TNRC6A: variants seen among roughly 807,000 people sequenced by gnomAD.
The protein encoded by TNRC6A is trinucleotide repeat-containing gene 6A protein.
TNRC6A carries 44 observed loss-of-function variants against 221.2 expected under a neutral mutation model. That is an observed-to-expected ratio of 0.20 (90% CI 0.16 to 0.26). The LOEUF is 0.26. Ranked by LOEUF, TNRC6A falls within the 10% of genes least tolerant of loss-of-function variation. The pLI, the probability that TNRC6A is intolerant of heterozygous loss-of-function variation, is 1.00. For missense variants in TNRC6A, 2,199 were observed against 2,404.4 expected (o/e 0.91, Z 1.79); for synonymous variants, 847 against 838.5 (o/e 1.01, Z -0.18).
In TNRC6A at chr16:24,822,892, C is replaced by T; in HGVS notation, c.5392C>T (p.Arg1798Cys). 1 of 1,613,812 alleles carries T rather than the reference C, an allele frequency of 6.2e-7. No individual in the cohort carries two copies. Among genetic ancestry groups the T allele is most frequent in the Non-Finnish European group, 8.5e-7 (1 of 1,180,022 alleles). Residue 1798 changes from arginine (R) to cysteine (C), a missense_variant, in exon 24 of 25, where the codon CGC (arginine) becomes TGC (cysteine). By Grantham distance (180) the Arg-to-Cys change is radical (BLOSUM62 -3). Transcript: ENST00000395799. ...TTCCTAGATCGATGGCTCAACTCTG[C>T]GCACTCTGTGCATGCAGCACGGCCC... ...LTPQIDGSTL[R>C]TLCMQHGPLI...
intron 1 of TNRC6A, among the ~76,000 whole-genome samples, chr16:24,638,574 G>A (rs886077688): frequency 2.6e-5 from 4 of 152,108 alleles, no homozygotes; most frequent in Non-Finnish European, 5.9e-5. Context: ...GTAGCTGGGT[G>A]TGGTGGCATG....
intron 2 of TNRC6A, among the ~76,000 whole-genome samples, chr16:24,711,049 G>C (rs2056196333): frequency 1.3e-5 from 2 of 151,646 alleles, no homozygotes; most frequent in Non-Finnish European, 2.9e-5. Flanking sequence ...CAAATTTTTT[G>C]TATTTTTAGT....
intron 2 of TNRC6A, among the ~76,000 whole-genome samples, chr16:24,696,977 C>A (rs150615790): frequency 1.3e-5 from 2 of 151,990 alleles, no homozygotes; most frequent in African/African-American, 4.8e-5. Context: ...ATGCTTACAC[C>A]AGCTAGATAG....
chr16:24,777,946 C>T (rs2057760770), intron 5 of TNRC6A, among the ~76,000 whole-genome samples: 1 of 152,086 alleles, frequency 6.6e-6, no homozygotes, highest in Non-Finnish European at 1.5e-5. Context: ...TTTCTCAAAA[C>T]CCAGTTTGTT....
chr16:24,791,039 C>G lies in TNRC6A; in HGVS notation c.2397C>G (p.Asn799Lys). ...ALRWGDSKGSNCQGGWEDDSA... is the reference protein window; with the variant it reads ...ALRWGDSKGSKCQGGWEDDSA... Reference sequence around the variant, plus strand: ...GGTGGGGAGATTCCAAAGGCTCAAACTGCCAGGGGGGGTGGGAAGATGATT... The same window carrying G: ...GGTGGGGAGATTCCAAAGGCTCAAAGTGCCAGGGGGGGTGGGAAGATGATT... Residue 799 changes from asparagine to lysine, a missense_variant, in exon 6 of 25, where the codon AAC (asparagine) becomes AAG (lysine). Physicochemically the swap from Asn to Lys is moderately conservative, Grantham distance 94. Around this residue, in one of 8 missense-constraint regions of TNRC6A, gnomAD observed 1,405 missense variants for 1,400.2 expected, o/e 1.00. Coordinates refer to ENST00000395799, the MANE Select transcript of TNRC6A (RefSeq NM_014494.4). The G allele has an allele frequency of 6.3e-7, 1 of 1,592,550 alleles. No homozygotes were observed. Among genetic ancestry groups the G allele is most frequent in the Non-Finnish European group, 8.6e-7 (1 of 1,169,094 alleles).
At chr16:24,625,737 C>CAAA (rs749882396) in intron 1 of TNRC6A, among the ~76,000 whole-genome samples, 949 of 23,982 alleles carry the variant, frequency 0.04, 14 homozygotes, top group Non-Finnish European at 0.066. Flanking sequence ...CGTCTCAAAA[C>CAAA]AAAAAAAAAA....
chr16:24,771,851 A>T (rs1197934287), intron 4 of TNRC6A, among the ~76,000 whole-genome samples: 1 of 152,144 alleles, frequency 6.6e-6, no homozygotes, highest in African/African-American at 2.4e-5. Context: ...TTGGTAAATT[A>T]TATTTGATAA....
intron 2 of TNRC6A, among the ~76,000 whole-genome samples, chr16:24,706,945 G>A (rs925755585): frequency 2.0e-5 from 3 of 151,108 alleles, no homozygotes; most frequent in Non-Finnish European, 2.9e-5. Flanking sequence ...ATAAATTCCA[G>A]ACAGATAAAC....
intron 3 of TNRC6A, 44 bp from the exon 4 acceptor site, chr16:24,758,295 G>A: frequency 6.4e-7 from 1 of 1,570,066 alleles, no homozygotes; most frequent in Non-Finnish European, 8.8e-7. Flanking sequence ...ATTTCTTTCA[G>A]TTTCATATTT....
intron 2 of TNRC6A, among the ~76,000 whole-genome samples, chr16:24,644,424 GCTGGGACTACAGGTGCATA>G (rs1567320842): frequency 6.6e-6 from 1 of 151,850 alleles, no homozygotes; most frequent in African/African-American, 2.4e-5. Flanking sequence ...CCAAGAAGAA[GCTGGGACTACAGGTGCATA>G]CTGCCACACC....
At chr16:24,744,558 A>G (rs1386415266) in intron 2 of TNRC6A, among the ~76,000 whole-genome samples, 1 of 151,938 alleles carries the variant, frequency 6.6e-6, no homozygotes, top group Non-Finnish European at 1.5e-5. Flanking sequence ...GTTGTTTGTA[A>G]TTTTTTATTA....
upstream of TNRC6A, among the ~76,000 whole-genome samples, chr16:24,724,815 G>T (rs2056466261): frequency 6.6e-6 from 1 of 151,918 alleles, no homozygotes; most frequent in Non-Finnish European, 1.5e-5. Flanking sequence ...ACATTACTGT[G>T]AAAAAATTTT....
At chr16:24,743,617 G>A (rs1242927865) in intron 2 of TNRC6A, among the ~76,000 whole-genome samples, 1 of 152,172 alleles carries the variant, frequency 6.6e-6, no homozygotes, top group African/African-American at 2.4e-5. Flanking sequence ...CACCTGCAGA[G>A]CTTTTTATTT....
chr16:24,760,794 A>T (rs1294276103), intron 4 of TNRC6A, among the ~76,000 whole-genome samples: 1 of 152,214 alleles, frequency 6.6e-6, no homozygotes, highest in African/African-American at 2.4e-5. Context: ...GAGACTTCTC[A>T]TATACGCTTC....
At chr16:24,818,038 G>A (rs1433283502) in intron 20 of TNRC6A, among the ~76,000 whole-genome samples, 2 of 152,220 alleles carry the variant, frequency 1.3e-5, no homozygotes, top group Non-Finnish European at 2.9e-5. Flanking sequence ...CAGGGAACTG[G>A]TGTAGTAATC....
intron 2 of TNRC6A, among the ~76,000 whole-genome samples, chr16:24,650,761 C>T (rs191889419): frequency 1.3e-5 from 2 of 152,110 alleles, no homozygotes; most frequent in South Asian, 2.1e-4. Flanking sequence ...TGAGAAAACA[C>T]GCACACGCCT....
intron 2 of TNRC6A, among the ~76,000 whole-genome samples, chr16:24,720,552 A>T (rs891459792): frequency 4.0e-5 from 6 of 151,444 alleles, no homozygotes; most frequent in African/African-American, 1.5e-4. Context: ...TTAGCCAAGC[A>T]TGGTGGCAGG....
intron 14 of TNRC6A, 163 bp downstream of exon 14, chr16:24,805,314 G>A (rs2058407904): frequency 3.6e-6 from 4 of 1,118,266 alleles, no homozygotes; most frequent in Admixed American, 2.8e-5. Flanking sequence ...GTAAGGAAAA[G>A]TCAAGGATAA....
intron 14 of TNRC6A, 131 bp downstream of exon 14, chr16:24,805,282 T>C (rs765631366): frequency 1.6e-5 from 21 of 1,300,686 alleles, no homozygotes; most frequent in Non-Finnish European, 2.2e-5. Flanking sequence ...TAGTTTTGAA[T>C]TAACTATTAA....
Sources: gnomAD v4.1 joint callset for allele counts (sites outside exome capture counted in the v4.1 genomes callset) on GRCh38, gnomAD v4.1.1 for gene constraint, gnomAD v4.1.1 regional missense constraint, MANE v1.5 for transcripts, NCBI Gene and HGNC (gene_info 2026-07-23, HGNC 2026-07-21) for gene names.